The following PTPRD variants were observed in gnomAD, a reference collection of about 807,000 sequenced individuals.
PTPRD encodes protein tyrosine phosphatase receptor type D.
PTPRD carries 34 observed loss-of-function variants against 214.5 expected under a neutral mutation model. The observed-to-expected ratio is 0.16, with a 90% CI of 0.12 to 0.21. The LOEUF is 0.21. Among genes scored for constraint, PTPRD ranks in the 10% least tolerant of loss-of-function variants. The pLI is 1.00. For missense variants in PTPRD, 2,545 were observed against 2,398.7 expected (o/e 1.06, Z -1.27); for synonymous variants, 1,128 against 845.7 (o/e 1.33, Z -5.79).
rs34342718 is a variant in PTPRD at position 8,940,280 on chromosome 9, C to CTTTTTTTTTTTTTTTTT, written c.-104+78400_-104+78416dup. On this transcript the variant is annotated intron_variant, in intron 11 of 45. Transcript: ENST00000381196. ...TCACACATCTCTCTCTCTCTCTCTC[C>CTTTTTTTTTTTTTTTTT]TTTTTTTTTTTTTTTTTTTTGAGAT... Among the ~76,000 whole-genome samples the CTTTTTTTTTTTTTTTTT allele has an allele frequency of 8.4e-4, 75 of 89,044 alleles. 12 individuals are homozygous for CTTTTTTTTTTTTTTTTT. Among genetic ancestry groups the CTTTTTTTTTTTTTTTTT allele is most frequent in the Non-Finnish European group, 1.3e-3 (61 of 48,726 alleles). 58.4% of individuals were successfully genotyped at this position (89,044 alleles called of 152,430 possible).
At chr9:8,950,474 G>GAA (rs538668550) in intron 11 of PTPRD, among the ~76,000 whole-genome samples, 19 of 124,800 alleles carry the variant, frequency 1.5e-4, no homozygotes, top group East Asian at 2.3e-4. Context: ...GTCACCTTCT[G>GAA]AAAAAAAAAA....
intron 9 of PTPRD, among the ~76,000 whole-genome samples, chr9:9,311,754 A>G (rs1250106819): frequency 6.6e-6 from 1 of 152,176 alleles, no homozygotes; most frequent in Non-Finnish European, 1.5e-5. Context: ...TTTTAAATAG[A>G]ATACAGAATC....
chr9:8,702,762 T>C (rs978365648), intron 12 of PTPRD, among the ~76,000 whole-genome samples: 1 of 152,158 alleles, frequency 6.6e-6, no homozygotes, highest in Admixed American at 6.5e-5. Flanking sequence ...CGCCCGCCAC[T>C]ACGCCCAGCG....
At chr9:10,028,592 G>A (rs906037646) in intron 4 of PTPRD, among the ~76,000 whole-genome samples, 21 of 152,148 alleles carry the variant, frequency 1.4e-4, no homozygotes, top group Admixed American at 5.2e-4. Context: ...TTGGGAACTG[G>A]AGCAAAGGTG....
intron 39 of PTPRD, among the ~76,000 whole-genome samples, 178 bp downstream of exon 39, chr9:8,375,758 A>C (rs989589100): frequency 2.6e-5 from 4 of 152,104 alleles, no homozygotes; most frequent in African/African-American, 7.2e-5. Flanking sequence ...CAGGGGAAAT[A>C]TGCATCTATG....
At chr9:10,297,426 A>G (rs966767364) in intron 3 of PTPRD, among the ~76,000 whole-genome samples, 27 of 151,902 alleles carry the variant, frequency 1.8e-4, no homozygotes, top group African/African-American at 5.3e-4. Flanking sequence ...TCATGATTCT[A>G]AGAAAAAGCA....
At chr9:8,823,156 G>GTT (rs1302870023) in intron 11 of PTPRD, among the ~76,000 whole-genome samples, 1 of 151,972 alleles carries the variant, frequency 6.6e-6, no homozygotes, top group African/African-American at 2.4e-5. Context: ...TAATATCCTA[G>GTT]TTTTCTTCTT....
chr9:9,549,009 T>C (rs1402266030), intron 8 of PTPRD, among the ~76,000 whole-genome samples: 1 of 152,162 alleles, frequency 6.6e-6, no homozygotes, highest in Non-Finnish European at 1.5e-5. Flanking sequence ...ATGTAACTGA[T>C]ACTTTTAGGA....
intron 12 of PTPRD, among the ~76,000 whole-genome samples, chr9:8,637,484 A>C (rs528368632): frequency 6.6e-6 from 1 of 152,344 alleles, no homozygotes; most frequent in East Asian, 1.9e-4. Context: ...ATAGTAAAGC[A>C]AAGAATATTT....
At chr9:10,458,972 C>T (rs2098937846) in intron 2 of PTPRD, among the ~76,000 whole-genome samples, 1 of 152,034 alleles carries the variant, frequency 6.6e-6, no homozygotes, top group South Asian at 2.1e-4. Context: ...CATAGTTACA[C>T]ACGTTCCGTG....
chr9:9,091,181 G>A (rs929751403), intron 10 of PTPRD: 26 of 1,534,764 alleles, frequency 1.7e-5, no homozygotes, highest in South Asian at 7.8e-5. Flanking sequence ...CGCAAGGACC[G>A]AACACCCCCA....
chr9:10,256,395 C>CT (rs35833315), intron 3 of PTPRD, among the ~76,000 whole-genome samples: 3,429 of 144,558 alleles, frequency 0.024, 56 homozygotes, highest in Non-Finnish European at 0.032. Context: ...TGAATTACAG[C>CT]TTTTTTTTTT....
At chr9:8,528,934 C>T (rs111884301) in intron 14 of PTPRD, among the ~76,000 whole-genome samples, 155 bp from the exon 15 acceptor site, 113 of 152,254 alleles carry the variant, frequency 7.4e-4, no homozygotes, top group African/African-American at 2.4e-3. Context: ...CACAATGCTG[C>T]TACTGATCAG....
chr9:9,902,358 A>G (rs888193270), intron 5 of PTPRD, among the ~76,000 whole-genome samples: 1 of 152,122 alleles, frequency 6.6e-6, no homozygotes, highest in African/African-American at 2.4e-5. Context: ...AGTTTCCCAT[A>G]CCATTAATGT....
intron 3 of PTPRD, among the ~76,000 whole-genome samples, chr9:10,321,702 T>A (rs1450320125): frequency 6.6e-6 from 1 of 152,028 alleles, no homozygotes; most frequent in Non-Finnish European, 1.5e-5. Context: ...AATGGTGGGA[T>A]GATATTTATG....
chr9:8,338,860 A>AGG, intron 43 of PTPRD, 62 bp downstream of exon 43: 2 of 1,506,738 alleles, frequency 1.3e-6, no homozygotes, highest in African/African-American at 2.7e-5. Flanking sequence ...AGAGAGAGAG[A>AGG]GAGAGGTATC....
At chr9:8,625,487 T>G (rs2095994826) in intron 14 of PTPRD, among the ~76,000 whole-genome samples, 1 of 151,822 alleles carries the variant, frequency 6.6e-6, no homozygotes, top group African/African-American at 2.4e-5. Flanking sequence ...CTGGTCTCAC[T>G]TATGATTTAT....
At chr9:9,841,923 A>T (rs957726148) in intron 5 of PTPRD, among the ~76,000 whole-genome samples, 8 of 152,090 alleles carry the variant, frequency 5.3e-5, no homozygotes, top group Admixed American at 1.3e-4. Flanking sequence ...AATATGTTGG[A>T]AAGTACACAT....
chr9:9,656,412 G>A (rs182324546), intron 7 of PTPRD, among the ~76,000 whole-genome samples: 187 of 152,204 alleles, frequency 1.2e-3, no homozygotes, highest in Non-Finnish European at 2.0e-3. Context: ...CCAGACAATA[G>A]AATATTATTC....
Sources: allele counts gnomAD v4.1 joint callset (sites outside exome capture counted in the v4.1 genomes callset), GRCh38; gene constraint gnomAD v4.1.1; transcripts MANE v1.5; gene names NCBI Gene and HGNC (gene_info 2026-07-23, HGNC 2026-07-21).